PTPN3: variants seen among roughly 807,000 people sequenced by gnomAD.
PTPN3 encodes the protein protein tyrosine phosphatase non-receptor type 3.
Under a neutral mutation model 132.7 loss-of-function variants are expected in PTPN3, and 96 were observed. The ratio of observed to expected loss-of-function variants is 0.72; its 90% confidence interval spans 0.61 to 0.86. The LOEUF (loss-of-function observed/expected upper bound fraction) is 0.86, where lower values mean the gene tolerates loss of function less well. Among genes scored for constraint, PTPN3 ranks in the 40% least tolerant of loss-of-function variants. The pLI is 0.00. For synonymous variants in PTPN3, 398 were observed against 429.0 expected (o/e 0.93, Z 0.89); for missense variants, 1,125 against 1,159.6 (o/e 0.97, Z 0.43).
chr9:109,482,256 C>T (rs749151525), intron 1 of PTPN3, among the ~76,000 whole-genome samples: 1 of 152,174 alleles, frequency 6.6e-6, no homozygotes, highest in African/African-American at 2.4e-5. Flanking sequence ...CAGAGATTTT[C>T]CTCCCAGCAA....
At chr9:109,477,898 ACT>A (rs554055241) in intron 1 of PTPN3, among the ~76,000 whole-genome samples, 144 of 151,824 alleles carry the variant, frequency 9.5e-4, no homozygotes, top group Middle Eastern at 3.4e-3. Flanking sequence ...GCTCCATAAG[ACT>A]CTTGCTCACT....
the PTPN3 span, among the ~76,000 whole-genome samples, chr9:109,515,769 A>C: frequency 6.6e-6 from 1 of 152,164 alleles, no homozygotes; most frequent in Non-Finnish European, 1.5e-5. Flanking sequence ...CCTTTTTAGC[A>C]ACCAGCTCTT....
At chr9:109,457,040 C>T (rs547621201) in intron 4 of PTPN3, 133 bp downstream of exon 4, 15 of 854,410 alleles carry the variant, frequency 1.8e-5, no homozygotes, top group East Asian at 1.3e-4. Flanking sequence ...AGGGAGAAGT[C>T]GGCTCACTCA....
At chr9:109,403,051 C>T (rs995905413) in intron 19 of PTPN3, among the ~76,000 whole-genome samples, 5 of 152,166 alleles carry the variant, frequency 3.3e-5, no homozygotes, top group African/African-American at 1.2e-4. Flanking sequence ...GCACTCCAAC[C>T]TGGGTGACAG....
the PTPN3 span, among the ~76,000 whole-genome samples, chr9:109,535,952 T>G: frequency 6.6e-6 from 1 of 152,214 alleles, no homozygotes; most frequent in Non-Finnish European, 1.5e-5. Flanking sequence ...CAACCGTCAC[T>G]ACTGTCTAGT....
At chr9:109,410,585 G>A (rs561455646) in intron 14 of PTPN3, among the ~76,000 whole-genome samples, 170 bp from the exon 15 acceptor site, 3 of 152,206 alleles carry the variant, frequency 2.0e-5, no homozygotes, top group Admixed American at 6.5e-5. Flanking sequence ...GACCACCCCT[G>A]ACCGCATCTG....
intron 19 of PTPN3, among the ~76,000 whole-genome samples, chr9:109,393,768 AG>A (rs1378077134): frequency 6.6e-6 from 1 of 152,172 alleles, no homozygotes; most frequent in Non-Finnish European, 1.5e-5. Flanking sequence ...TTGAATAGGG[AG>A]GGTAAAAAGG....
chr9:109,422,727 G>A lies in PTPN3; in HGVS notation c.1127C>T (p.Thr376Ile), dbSNP rs1842969294. The A allele has an allele frequency of 6.2e-7, 1 of 1,608,418 alleles. No homozygotes were observed. Among genetic ancestry groups the A allele is most frequent in the Non-Finnish European group, 8.5e-7 (1 of 1,176,088 alleles). ...AAAAAGGAGGACATACCAGTTGGGA[G>A]TAATGGGAGGGGAACGAGAAGGCAG... ...KSLPSRSPPITPNWRSPRLRH... is the reference protein window; with the variant it reads ...KSLPSRSPPIIPNWRSPRLRH... Residue 376 changes from threonine to isoleucine, a missense_variant, in exon 13 of 26, where the codon ACT (threonine) becomes ATT (isoleucine). Transcript: ENST00000374541.
intron 1 of PTPN3, among the ~76,000 whole-genome samples, chr9:109,487,241 C>T (rs561469900): frequency 8.0e-4 from 122 of 152,302 alleles, no homozygotes; most frequent in African/African-American, 2.8e-3. Context: ...AGCCCTGGAA[C>T]AGAGAGGAAT....
intron 19 of PTPN3, among the ~76,000 whole-genome samples, chr9:109,397,300 T>C (rs1206670857): frequency 6.6e-6 from 1 of 152,230 alleles, no homozygotes; most frequent in Non-Finnish European, 1.5e-5. Flanking sequence ...GCCTGGCACA[T>C]AGTAGGTGCT....
rs542488730 is a variant in PTPN3, at chr9:109,376,140, C to G, written c.*3416G>C. 6.6e-6 allele frequency: 1 copy of G among 152,200 alleles called. No homozygotes were observed. Among genetic ancestry groups the G allele is most frequent in the Non-Finnish European group, 1.5e-5 (1 of 68,036 alleles). The allele number at this position is 152,200 out of a possible 1,614,324, so 9.4% of individuals were successfully genotyped here. A position where few individuals can be genotyped will look rare whatever the true frequency, so the allele number is the denominator to read the frequency against. On this transcript the variant is annotated 3_prime_UTR_variant, in exon 26 of 26. Transcript: ENST00000374541. The stretch of plus-strand genomic sequence containing the variant: ...GATTAATTTTGATTCTCTGGAATAT[C>G]AGCCTCCCAGAATGGCAAATCTTGA...
At chr9:109,456,908 T>A (rs1373219749) in intron 4 of PTPN3, among the ~76,000 whole-genome samples, 1 of 152,176 alleles carries the variant, frequency 6.6e-6, no homozygotes, top group Non-Finnish European at 1.5e-5. Flanking sequence ...CTTCCTTGAA[T>A]ACAGAAATGT....
intron 19 of PTPN3, among the ~76,000 whole-genome samples, chr9:109,398,332 G>A (rs1052387491): frequency 2.6e-5 from 4 of 152,134 alleles, no homozygotes; most frequent in African/African-American, 9.7e-5. Context: ...ATTTCTACAG[G>A]TGTCAATTTA....
chr9:109,481,793 A>G (rs1469889341), intron 1 of PTPN3, among the ~76,000 whole-genome samples: 1 of 152,246 alleles, frequency 6.6e-6, no homozygotes, highest in Non-Finnish European at 1.5e-5. Flanking sequence ...AGTGTGTAGC[A>G]TGTCACTAAG....
chr9:109,429,706 T>C (rs144303112), intron 10 of PTPN3, among the ~76,000 whole-genome samples: 2 of 152,332 alleles, frequency 1.3e-5, no homozygotes, highest in African/African-American at 4.8e-5. Flanking sequence ...GACAAGTCTG[T>C]GTAGATTTCG....
intron 1 of PTPN3, among the ~76,000 whole-genome samples, chr9:109,464,282 C>T (rs1261475631): frequency 6.6e-6 from 1 of 152,188 alleles, no homozygotes; most frequent in Admixed American, 6.5e-5. Flanking sequence ...GTCATGGGCA[C>T]ATTCCCAGCA....
At chr9:109,531,711 T>G in the PTPN3 span, among the ~76,000 whole-genome samples, 2 of 152,168 alleles carry the variant, frequency 1.3e-5, no homozygotes, top group African/African-American at 4.8e-5. Flanking sequence ...TGTTACCCAG[T>G]ACATCCCCTC....
chr9:109,516,725 G>A, the PTPN3 span, among the ~76,000 whole-genome samples: 1 of 152,286 alleles, frequency 6.6e-6, no homozygotes, highest in Non-Finnish European at 1.5e-5. Context: ...AATGATTGTG[G>A]AGAAGGCAAA....
chr9:109,526,123 A>T, the PTPN3 span, among the ~76,000 whole-genome samples: 1 of 152,214 alleles, frequency 6.6e-6, no homozygotes, highest in Non-Finnish European at 1.5e-5. Flanking sequence ...CAATAACAAC[A>T]AAAGCCACAA....
Sources: gnomAD v4.1 joint callset for allele counts (sites outside exome capture counted in the v4.1 genomes callset) on GRCh38, gnomAD v4.1.1 for gene constraint, MANE v1.5 for transcripts, NCBI Gene and HGNC (gene_info 2026-07-23, HGNC 2026-07-21) for gene names.